The following NAV2 variants were observed in gnomAD, a reference collection of about 807,000 sequenced individuals.
NAV2 encodes helicase, APC down-regulated 1.
In NAV2, 54 loss-of-function variants were observed where a neutral mutation model predicts 223.2. The observed-to-expected ratio is 0.24, with a 90% CI of 0.19 to 0.30. The LOEUF (loss-of-function observed/expected upper bound fraction) is 0.30. Ranked by LOEUF, NAV2 falls within the 10% of genes least tolerant of loss-of-function variation. The pLI is 1.00. For synonymous variants in NAV2, 1,279 were observed against 1,239.3 expected (o/e 1.03, Z -0.67); for missense variants, 2,806 against 3,147.5 (o/e 0.89, Z 2.60).
chr11:19,717,477 G>A (rs1315162881), intron 1 of NAV2, among the ~76,000 whole-genome samples: 1 of 152,230 alleles, frequency 6.6e-6, no homozygotes, highest in African/African-American at 2.4e-5. Context: ...AGGACAGACT[G>A]GTGGGGAGGA....
chr11:19,598,080 C>T (rs2046253936), intron 1 of NAV2, among the ~76,000 whole-genome samples: 1 of 152,252 alleles, frequency 6.6e-6, no homozygotes, highest in African/African-American at 2.4e-5. Context: ...CTGACCAGCT[C>T]AGAGGCAGAT....
At chr11:19,558,122 T>A (rs2044965947) in intron 1 of NAV2, among the ~76,000 whole-genome samples, 1 of 152,194 alleles carries the variant, frequency 6.6e-6, no homozygotes, top group South Asian at 2.1e-4. Context: ...CTTACTTAAG[T>A]TTTCTGTGCC....
intron 1 of NAV2, among the ~76,000 whole-genome samples, chr11:19,705,206 C>A (rs188671984): frequency 6.6e-6 from 1 of 151,996 alleles, no homozygotes; most frequent in East Asian, 1.9e-4. Flanking sequence ...CATGTCAGAT[C>A]CAGCCTAGAA....
chr11:19,637,798 C>G (rs2047547690), intron 1 of NAV2, among the ~76,000 whole-genome samples: 1 of 152,354 alleles, frequency 6.6e-6, no homozygotes, highest in South Asian at 2.1e-4. Context: ...TCCCACTGGG[C>G]CCCACCCCCA....
chr11:19,782,916 C>T (rs2056847653), intron 1 of NAV2, among the ~76,000 whole-genome samples: 1 of 152,124 alleles, frequency 6.6e-6, no homozygotes. Context: ...GAGGATTGCC[C>T]TTGTGACCAG....
chr11:19,584,381 A>T (rs1201143852), intron 1 of NAV2, among the ~76,000 whole-genome samples: 1 of 151,928 alleles, frequency 6.6e-6, no homozygotes, highest in Non-Finnish European at 1.5e-5. Flanking sequence ...TATTTCCTTC[A>T]GTTCTGCTTT....
intron 22 of NAV2, among the ~76,000 whole-genome samples, chr11:20,071,779 G>A (rs2059421232): frequency 1.3e-5 from 2 of 152,152 alleles, no homozygotes; most frequent in African/African-American, 4.8e-5. Flanking sequence ...AAATGGGTGG[G>A]TGGGTGTTTT....
At position 20,092,366 on chromosome 11, in the gene NAV2, T is replaced by G. The variant is rs151026918; in HGVS notation, c.5813T>G (p.Leu1938Arg). Residue 1938 changes from leucine (L) to arginine (R), a missense_variant and splice_region_variant, in exon 28 of 38, where the codon CTG becomes CGG. Physicochemically the swap from Leu to Arg is moderately radical, Grantham distance 102. Transcript: ENST00000349880. ...HSLNLTESTS[L>R]DMLLDDTGEC... ...TTGAACCTCACTGAGTCAACCAGCC[T>G]GGGTGAGTGGCCTACAGGGTTTGGG... 5 of 1,610,672 alleles carry G rather than the reference T, an allele frequency of 3.1e-6. No individual in the cohort carries two copies. The African/African-American group carries it at 6.7e-5, about 22-fold the overall frequency.
intron 1 of NAV2, among the ~76,000 whole-genome samples, chr11:19,360,565 C>A (rs186518102): frequency 5.3e-5 from 8 of 152,208 alleles, no homozygotes; most frequent in Non-Finnish European, 1.0e-4. Context: ...AGATCAGCCA[C>A]CCAAGTTCTT....
At chr11:19,984,933 C>T (rs1175545563) in intron 11 of NAV2, among the ~76,000 whole-genome samples, 1 of 152,184 alleles carries the variant, frequency 6.6e-6, no homozygotes, top group Non-Finnish European at 1.5e-5. Flanking sequence ...TTTCTATGAT[C>T]CCTTCCAGTT....
chr11:20,017,542 C>T (rs141178903), intron 11 of NAV2, among the ~76,000 whole-genome samples: 2,404 of 152,286 alleles, frequency 0.016, 134 homozygotes, highest in Admixed American at 0.11. Flanking sequence ...TCACTTTCCC[C>T]GTAACATCCA....
intron 2 of NAV2, among the ~76,000 whole-genome samples, chr11:19,839,078 C>G (rs971644764): frequency 3.3e-5 from 5 of 152,168 alleles, no homozygotes; most frequent in Non-Finnish European, 7.3e-5. Flanking sequence ...TCTTTAGGAG[C>G]CTTCCTTTGG....
intron 1 of NAV2, among the ~76,000 whole-genome samples, chr11:19,477,037 C>G (rs1240081354): frequency 6.6e-6 from 1 of 152,128 alleles, no homozygotes; most frequent in Non-Finnish European, 1.5e-5. Flanking sequence ...TATTGCATTC[C>G]CAAGGGGTCC....
At chr11:19,704,918 G>A (rs1352243608) in intron 1 of NAV2, among the ~76,000 whole-genome samples, 1 of 151,388 alleles carries the variant, frequency 6.6e-6, no homozygotes, top group East Asian at 1.9e-4. Flanking sequence ...GGCTGAGGCA[G>A]GAGAATGGCG....
At chr11:19,469,630 C>T (rs992334696) in intron 1 of NAV2, among the ~76,000 whole-genome samples, 13 of 152,142 alleles carry the variant, frequency 8.5e-5, no homozygotes, top group African/African-American at 1.9e-4. Context: ...TGCAGGATCC[C>T]GGCAGCCTTT....
upstream of NAV2, among the ~76,000 whole-genome samples, chr11:19,710,487 A>G (rs1363452077): frequency 6.6e-6 from 1 of 152,250 alleles, no homozygotes. Context: ...AAGTTTTAGT[A>G]TGCATCATAA....
intron 1 of NAV2, among the ~76,000 whole-genome samples, chr11:19,737,216 C>T (rs1021742388): frequency 1.3e-5 from 2 of 152,210 alleles, no homozygotes; most frequent in Non-Finnish European, 2.9e-5. Context: ...CCTGGTCAAT[C>T]CCAGCCACTG....
At chr11:19,771,278 G>A (rs889127633) in intron 1 of NAV2, among the ~76,000 whole-genome samples, 7 of 152,124 alleles carry the variant, frequency 4.6e-5, no homozygotes, top group African/African-American at 1.7e-4. Context: ...TACTATAAGA[G>A]GAGTTGTACT....
chr11:19,441,520 A>G (rs989299889), intron 1 of NAV2, among the ~76,000 whole-genome samples: 1 of 152,106 alleles, frequency 6.6e-6, no homozygotes, highest in African/African-American at 2.4e-5. Context: ...CAGTAAGAGC[A>G]TGAAACTGAG....
Sources: allele counts gnomAD v4.1 joint callset (sites outside exome capture counted in the v4.1 genomes callset), GRCh38; gene constraint gnomAD v4.1.1; transcripts MANE v1.5; gene names NCBI Gene and HGNC (gene_info 2026-07-23, HGNC 2026-07-21).